The following MDGA1 variants were observed in gnomAD, a reference collection of about 807,000 sequenced individuals.
MDGA1 encodes the protein MAM domain-containing glycosylphosphatidylinositol anchor protein 1.
In MDGA1, 54 loss-of-function variants were observed where a neutral mutation model predicts 101.5. The ratio of observed to expected loss-of-function variants is 0.53; its 90% CI spans 0.43 to 0.67. MDGA1 has a LOEUF of 0.67. Among genes scored for constraint, MDGA1 ranks in the 30% least tolerant of loss-of-function variants. MDGA1 has a pLI of 0.00. For missense variants in MDGA1, 1,083 were observed against 1,323.8 expected, an observed-to-expected ratio of 0.82 and a Z score of 2.82; for synonymous variants, 533 against 558.3, an observed-to-expected ratio of 0.95 and a Z score of 0.64.
At chr6:37,667,921 G>A (rs1175760948) in intron 1 of MDGA1, among the ~76,000 whole-genome samples, 2 of 152,154 alleles carry the variant, frequency 1.3e-5, no homozygotes, top group African/African-American at 2.4e-5. Context: ...ACTGGAGATG[G>A]GGCCATGAGT....
chr6:37,687,577 A>G (rs1419599272), intron 1 of MDGA1, among the ~76,000 whole-genome samples: 1 of 151,908 alleles, frequency 6.6e-6, no homozygotes, highest in Non-Finnish European at 1.5e-5. Flanking sequence ...AAATGAAATC[A>G]ATTTTGCTGG....
chr6:37,651,809 C>A (rs1310125968), intron 7 of MDGA1, among the ~76,000 whole-genome samples: 1 of 152,190 alleles, frequency 6.6e-6, no homozygotes, highest in African/African-American at 2.4e-5. Flanking sequence ...GAGGGCAGAG[C>A]CTGTTTTGCC....
intron 3 of MDGA1, among the ~76,000 whole-genome samples, chr6:37,656,327 C>T (rs1300265085): frequency 1.6e-4 from 24 of 151,818 alleles, no homozygotes; most frequent in African/African-American, 2.7e-4. Flanking sequence ...CTGCCCACCT[C>T]GGCCTCCCAA....
At position 37,664,173 on chromosome 6, in the gene MDGA1, C is replaced by T. The variant is rs1397357897; in HGVS notation, c.68-67G>A. 17 of 1,594,104 alleles carry T rather than the reference C, an allele frequency of 1.1e-5. No individual in the cohort carries two copies. The Admixed American group carries it at 2.8e-4, about 27-fold the overall frequency. ...CCAAGGCCAGAAGAAGTCTGGGGCT[C>T]CCTCCTGAGTGTATCTGGGAGGGGT... is the stretch of plus-strand genomic sequence containing the variant. On this transcript the variant is annotated intron_variant, in intron 1 of 16. Transcript: ENST00000434837.
rs1336281316 is a variant in MDGA1 at position 37,652,858 on chromosome 6, G to GTTC, written c.983-521_983-519dup. 6.6e-6 allele frequency among the ~76,000 whole-genome samples: 1 copy of GTTC among 152,184 alleles called. No individual in the cohort carries two copies. The highest frequency in any genetic ancestry group is 1.9e-4 in the East Asian group (1 of 5,202). On this transcript the variant is annotated intron_variant, in intron 6 of 16. Coordinates refer to ENST00000434837, the MANE Select transcript of MDGA1 (RefSeq NM_153487.4). The surrounding 1 kb of genome is among the most constrained non-coding windows in gnomAD (Gnocchi z 4.3). The stretch of plus-strand genomic sequence containing the variant: ...AAGCATGCACTAGAATATAACAGTG[G>GTTC]TTCTATCTAGAGAGTGGAACTGAGG...
chr6:37,673,647 C>T lies in MDGA1; in HGVS notation c.68-9541G>A, dbSNP rs547114398. On this transcript the variant is annotated intron_variant, in intron 1 of 16. Transcript: ENST00000434837. ...AGTTGCTCTGCCCTTACCACAGCCC[C>T]GCTCTCTGCAGAGCTGGCTGGAGCC... is the stretch of plus-strand genomic sequence containing the variant. 3.2e-3 allele frequency among the ~76,000 whole-genome samples: 485 copies of T among 152,170 alleles called. 2 individuals carry two copies. Among genetic ancestry groups the T allele is most frequent in the Non-Finnish European group, 5.0e-3 (339 of 68,006 alleles).
At chr6:37,661,207 C>A (rs965286949) in intron 2 of MDGA1, among the ~76,000 whole-genome samples, 3 of 152,178 alleles carry the variant, frequency 2.0e-5, no homozygotes, top group Non-Finnish European at 4.4e-5. Flanking sequence ...TCAATGCATA[C>A]CCCTTATGTG....
At chr6:37,670,908 G>C (rs1761855303) in intron 1 of MDGA1, among the ~76,000 whole-genome samples, 1 of 152,118 alleles carries the variant, frequency 6.6e-6, no homozygotes, top group Non-Finnish European at 1.5e-5. Context: ...CTCAAACCCA[G>C]GCCTTCCACC....
chr6:37,658,284 C>G lies in MDGA1; in HGVS notation c.343G>C (p.Gly115Arg). The G allele has an allele frequency of 6.2e-7, 1 of 1,609,946 alleles. No individual in the cohort carries two copies. Among genetic ancestry groups the G allele is most frequent in the Non-Finnish European group, 8.5e-7 (1 of 1,178,454 alleles). ...CGGATGGACTTGATGGCCGGCACCC[C>G]CACGCCGTTCTCAGCCTTGCAGTAG... is the stretch of plus-strand genomic sequence containing the variant. The part of the protein sequence containing the change: ...RYYCKAENGV[G>R]VPAIKSIRVD... Residue 115 changes from glycine (G) to arginine (R), a missense_variant, in exon 3 of 17, where the codon GGG (glycine) becomes CGG (arginine). Transcript: ENST00000434837.
chr6:37,645,175 T>C (rs926749301), intron 12 of MDGA1, among the ~76,000 whole-genome samples: 5 of 152,182 alleles, frequency 3.3e-5, no homozygotes, highest in African/African-American at 1.2e-4. Context: ...TTTACTACTG[T>C]GGTTTGGGTC....
Position 37,638,500 on chromosome 6 carries a change from G to C in MDGA1, c.2667+37C>G, listed in dbSNP as rs375576008. 1.2e-6 allele frequency: 2 copies of C among 1,611,238 alleles called. No individual in the cohort carries two copies. The highest frequency in any genetic ancestry group is 1.1e-5 in the South Asian group (1 of 91,006). ...GTGTTTCCTGGCCACAGCAACCACC[G>C]AAGCCGGGGAGGGTCCTCTGGGCCC... On this transcript the variant is annotated intron_variant, in intron 15 of 16. Coordinates refer to ENST00000434837, the MANE Select transcript of MDGA1 (RefSeq NM_153487.4). This position sits in a 1 kb window ranked among gnomAD's most constrained non-coding sequence, Gnocchi z 4.8.
rs141178118 is a variant in MDGA1 at position 37,653,754 on chromosome 6, G to A, written c.982+520C>T. Among the ~76,000 whole-genome samples the A allele has an allele frequency of 7.2e-5, 11 of 152,252 alleles. No individual in the cohort carries two copies. The East Asian group carries it at 1.9e-3, about 27-fold the overall frequency. ...AAAAATGTTTATACTTCTTTAGACT[G>A]TGCTCAAAGTTTTGTATCATTTTTC... On this transcript the variant is annotated intron_variant, in intron 6 of 16. Coordinates refer to ENST00000434837, the MANE Select transcript of MDGA1 (RefSeq NM_153487.4).
At chr6:37,665,866 A>C (rs1045973539) in intron 1 of MDGA1, among the ~76,000 whole-genome samples, 5 of 152,206 alleles carry the variant, frequency 3.3e-5, no homozygotes, top group African/African-American at 1.2e-4. Flanking sequence ...GCATGTGTGC[A>C]TTCCCCCTTT....
chr6:37,678,466 G>A (rs1489739248), intron 1 of MDGA1, among the ~76,000 whole-genome samples: 1 of 152,036 alleles, frequency 6.6e-6, no homozygotes, highest in Non-Finnish European at 1.5e-5. Flanking sequence ...AGCAGGCAGA[G>A]GATCTCATCT....
chr6:37,694,157 T>G (rs530639354), intron 1 of MDGA1, among the ~76,000 whole-genome samples: 1 of 152,276 alleles, frequency 6.6e-6, no homozygotes, highest in Non-Finnish European at 1.5e-5. Context: ...ATTTTTCTCC[T>G]ATGTCTTGAA....
At chr6:37,684,540 A>C (rs963226313) in intron 1 of MDGA1, among the ~76,000 whole-genome samples, 1 of 152,264 alleles carries the variant, frequency 6.6e-6, no homozygotes, top group Non-Finnish European at 1.5e-5. Context: ...AATGAGAAAG[A>C]AAGCTGTAGA....
At chr6:37,657,128 A>T (rs1353889274) in intron 3 of MDGA1, among the ~76,000 whole-genome samples, 7 of 151,662 alleles carry the variant, frequency 4.6e-5, no homozygotes, top group Admixed American at 4.0e-4. Flanking sequence ...TGCACTTAAG[A>T]TTAGTACACT....
intron 16 of MDGA1, 24 bp from the exon 17 acceptor site, chr6:37,637,483 A>G (rs1763955980): frequency 6.2e-7 from 1 of 1,604,814 alleles, no homozygotes; most frequent in Non-Finnish European, 8.5e-7. Context: ...GAAAGAGGAG[A>G]CAGGCCAGGG....
At chr6:37,682,806 T>C (rs1762124557) in intron 1 of MDGA1, among the ~76,000 whole-genome samples, 1 of 152,108 alleles carries the variant, frequency 6.6e-6, no homozygotes, top group East Asian at 1.9e-4. Context: ...TTAATTAATC[T>C]CAGGTCCCAG....
Sources: gnomAD v4.1 joint callset for allele counts (sites outside exome capture counted in the v4.1 genomes callset) on GRCh38, gnomAD v4.1.1 for gene constraint, Gnocchi (gnomAD v3.1) non-coding constraint, MANE v1.5 for transcripts, NCBI Gene and HGNC (gene_info 2026-07-23, HGNC 2026-07-21) for gene names.